ADGRE5: variants seen among roughly 807,000 people sequenced by gnomAD.
The protein encoded by ADGRE5 is CD97 molecule.
A neutral mutation model predicts 100.3 loss-of-function variants in ADGRE5; 72 were observed. That is an observed-to-expected ratio of 0.72 (90% CI 0.59 to 0.87). The LOEUF (loss-of-function observed/expected upper bound fraction) is 0.87, where lower values mean the gene tolerates loss of function less well. ADGRE5 is among the 40% of genes least tolerant of loss of function. The pLI is 0.00. For missense variants in ADGRE5, 959 were observed against 1,094.7 expected, an observed-to-expected ratio of 0.88 and a Z score of 1.75; for synonymous variants, 439 against 447.8, an observed-to-expected ratio of 0.98 and a Z score of 0.25.
At chr19:14,405,067 A>G in intron 13 of ADGRE5, 1 of 155,334 alleles carries the variant, frequency 6.4e-6, no homozygotes, top group Non-Finnish European at 1.4e-5. Flanking sequence ...CTAGTCTCAA[A>G]CTCCTGACCT....
intron 4 of ADGRE5, 23 bp from the exon 5 acceptor site, chr19:14,396,319 T>C: frequency 1.2e-6 from 2 of 1,614,236 alleles, no homozygotes; most frequent in Non-Finnish European, 1.7e-6. Flanking sequence ...CGGGCATCCT[T>C]CACCCTCTCC....
chr19:14,401,356 C>G lies in ADGRE5; in HGVS notation c.898-30C>G, dbSNP rs767046489. On this transcript the variant is annotated intron_variant, in intron 9 of 19. Coordinates refer to ENST00000242786, the MANE Select transcript of ADGRE5 (RefSeq NM_078481.4). This position sits in a 1 kb window ranked among gnomAD's most constrained non-coding sequence, Gnocchi z 4.1. ...CAGGCAACCCCTGTGGTCTGATGCT[C>G]CAGCGATTCTGTCACCCGCCACCCC... is the stretch of plus-strand genomic sequence containing the variant. 5.5e-5 allele frequency: 89 copies of G among 1,605,854 alleles called. No individual in the cohort carries two copies. The highest frequency in any genetic ancestry group is 6.8e-6 in the Non-Finnish European group (8 of 1,175,402).
rs990109828 is a variant in ADGRE5, at chr19:14,401,238, G to A, written c.898-148G>A. On this transcript the variant is annotated intron_variant, in intron 9 of 19. Coordinates refer to ENST00000242786, the MANE Select transcript of ADGRE5 (RefSeq NM_078481.4). The surrounding 1 kb of genome is among the most constrained non-coding windows in gnomAD (Gnocchi z 4.1). ...CATGCAGGCAAATACTCAATCCGTCGCTTGTTTTCTGGTTACTGCATCATC... is the reference window on the plus strand; with the variant it reads ...CATGCAGGCAAATACTCAATCCGTCACTTGTTTTCTGGTTACTGCATCATC... 126 of 660,698 alleles carry A rather than the reference G, an allele frequency of 1.9e-4. No homozygotes were observed. The highest frequency in any genetic ancestry group is 7.2e-4 in the East Asian group (26 of 36,032). The allele number at this position is 660,698 out of a possible 1,614,324, so 40.9% of individuals were successfully genotyped here.
Position 14,397,090 on chromosome 19 carries a change from C to G in ADGRE5, c.492C>G (p.Cys164Trp). 1 of 1,613,960 alleles carries G rather than the reference C, an allele frequency of 6.2e-7. No individual in the cohort carries two copies. The highest frequency in any genetic ancestry group is 2.2e-5 in the East Asian group (1 of 44,870). ...DPKVCTDVNECTSGQNPCHSS... is the reference protein window; with the variant it reads ...DPKVCTDVNEWTSGQNPCHSS... ...CTTTGTCCTCAGATGTGAATGAATG[C>G]ACCTCCGGACAAAACCCGTGCCACA... The change falls in exon 6 of 20, where the codon TGC (cysteine) becomes TGG (tryptophan). Residue 164 changes from cysteine (C) to tryptophan (W), a missense_variant. By Grantham distance (215) the Cys-to-Trp change is radical. Coordinates refer to ENST00000242786, the MANE Select transcript of ADGRE5 (RefSeq NM_078481.4).
intron 18 of ADGRE5, 82 bp from the exon 19 acceptor site, chr19:14,407,826 T>C: frequency 8.6e-7 from 1 of 1,166,610 alleles, no homozygotes; most frequent in Non-Finnish European, 1.3e-6. Context: ...ACCAAGAAGG[T>C]GGGGCTGAGG....
chr19:14,382,274 C>T (rs1975185406), intron 1 of ADGRE5, among the ~76,000 whole-genome samples: 1 of 152,150 alleles, frequency 6.6e-6, no homozygotes, highest in African/African-American at 2.4e-5. Flanking sequence ...TGGGCCAGCC[C>T]CAAGTGGCAG....
rs762128696 is a variant in ADGRE5, at chr19:14,391,128, T to TGAC, written c.346+49_346+50insGAC. 28 of 1,609,408 alleles carry TGAC rather than the reference T, an allele frequency of 1.7e-5. 1 individual carries two copies. Among genetic ancestry groups the TGAC allele is most frequent in the East Asian group, 8.9e-5 (4 of 44,784 alleles). ...GACTTTCCATCCATGAGGTTTGGGG[T>TGAC]CACCAGAGCCATTCTGGCAGCATCC... On this transcript the variant is annotated intron_variant, in intron 4 of 19. Coordinates refer to ENST00000242786, the MANE Select transcript of ADGRE5 (RefSeq NM_078481.4).
chr19:14,399,266 T>C (rs913660872), intron 9 of ADGRE5, among the ~76,000 whole-genome samples: 1 of 151,400 alleles, frequency 6.6e-6, no homozygotes, highest in Non-Finnish European at 1.5e-5. Flanking sequence ...ATAAGCCTTA[T>C]ATAAAAGCTT....
At chr19:14,396,862 C>T (rs1452407514) in intron 5 of ADGRE5, among the ~76,000 whole-genome samples, 2 of 152,168 alleles carry the variant, frequency 1.3e-5, no homozygotes, top group African/African-American at 4.8e-5. Flanking sequence ...GTTTCACCTC[C>T]TATAAACTGG....
intron 4 of ADGRE5, among the ~76,000 whole-genome samples, chr19:14,392,487 T>A (rs1367150171): frequency 6.6e-6 from 1 of 152,084 alleles, no homozygotes; most frequent in Non-Finnish European, 1.5e-5. Flanking sequence ...CTTTTAAAGA[T>A]AAAAACAAAA....
At chr19:14,384,983 CTTT>C (rs575538948) in intron 1 of ADGRE5, among the ~76,000 whole-genome samples, 1 of 82,470 alleles carries the variant, frequency 1.2e-5, no homozygotes, top group Non-Finnish European at 2.7e-5. Flanking sequence ...TCTTTTCTTT[CTTT>C]TTTTTTTTTT....
Position 14,381,497 on chromosome 19 carries a change from C to G in ADGRE5, c.-27C>G, listed in dbSNP as rs1975152273. The G allele has an allele frequency of 6.2e-7, 1 of 1,610,284 alleles. No homozygotes were observed. On this transcript the variant is annotated 5_prime_UTR_variant, in exon 1 of 20. Transcript: ENST00000242786. ...AGCCCTGTCCCACTCACTCTTTCCC[C>G]TGCCGCTCCTGCCGGCAGCTCCAAC...
chr19:14,406,724 C>A lies in ADGRE5; in HGVS notation c.2073C>A (p.Gly691=). Residue 691 remains glycine (G), a synonymous_variant, in exon 16 of 20, where the codon GGC becomes GGA. Transcript: ENST00000242786. The surrounding 1 kb of genome is among the most constrained non-coding windows in gnomAD (Gnocchi z 6.0). ...GCTGCTGGTTGGACTTTGAGCAGGG[C>A]TTCCTCTGGAGCTTCTTGGGACCTG... ...PRYCWLDFEQ[G]FLWSFLGPVT... 6 of 1,614,144 alleles carry A rather than the reference C, an allele frequency of 3.7e-6. No individual in the cohort carries two copies. The highest frequency in any genetic ancestry group is 3.4e-6 in the Non-Finnish European group (4 of 1,180,016).
At chr19:14,398,166 A>G (rs1401082579) in intron 9 of ADGRE5, 27 bp downstream of exon 9, 3 of 1,609,524 alleles carry the variant, frequency 1.9e-6, no homozygotes, top group Admixed American at 1.7e-5. Flanking sequence ...GGGGGACCCC[A>G]GGACAGTGTA....
intron 4 of ADGRE5, among the ~76,000 whole-genome samples, chr19:14,394,040 G>T (rs892159259): frequency 6.6e-6 from 1 of 152,188 alleles, no homozygotes; most frequent in African/African-American, 2.4e-5. Context: ...CTGGCTAGGG[G>T]TGCCGCCCAC....
intron 18 of ADGRE5, 72 bp downstream of exon 18, chr19:14,407,301 G>A: frequency 6.4e-7 from 1 of 1,555,304 alleles, no homozygotes; most frequent in Non-Finnish European, 8.8e-7. Flanking sequence ...TGGGAGGATT[G>A]CTTGAGCCCA....
At position 14,398,050 on chromosome 19, in the gene ADGRE5, C is replaced by T; in HGVS notation, c.820-12C>T. Reference sequence around the variant, plus strand: ...CCAGGCTCTCTGACCCCCACATCTCCTCTCTCTGCAGACGCTTTCCCGATT... The same window carrying T: ...CCAGGCTCTCTGACCCCCACATCTCTTCTCTCTGCAGACGCTTTCCCGATT... On this transcript the variant is annotated splice_polypyrimidine_tract_variant and intron_variant, in intron 8 of 19. Transcript: ENST00000242786. 2.5e-6 allele frequency: 4 copies of T among 1,613,560 alleles called. No homozygotes were observed. Among genetic ancestry groups the T allele is most frequent in the Non-Finnish European group, 3.4e-6 (4 of 1,179,854 alleles).
Position 14,405,920 on chromosome 19 carries a change from T to A in ADGRE5, c.1802T>A (p.Ile601Asn), listed in dbSNP as rs775414000. The change falls in exon 14 of 20, where the codon ATC becomes AAC. Residue 601 changes from isoleucine (I) to asparagine (N), a missense_variant. By Grantham distance (149) the Ile-to-Asn change is moderately radical. Transcript: ENST00000242786. ...FVGSTIFLAG[I>N]ENEGGQVGLR... The stretch of plus-strand genomic sequence containing the variant: ...GGCTCCACCATCTTCCTGGCCGGCA[T>A]CGAGAACGAAGGCGGCCAGGTGAGG... The A allele has an allele frequency of 1.9e-6, 3 of 1,609,096 alleles. No individual in the cohort carries two copies. Among genetic ancestry groups the A allele is most frequent in the Non-Finnish European group, 2.5e-6 (3 of 1,179,802 alleles).
chr19:14,403,860 C>T (rs1291920710), intron 12 of ADGRE5, among the ~76,000 whole-genome samples: 1 of 143,586 alleles, frequency 7.0e-6, no homozygotes, highest in Non-Finnish European at 1.5e-5. Context: ...ATCTGCCTCT[C>T]CCACTTTTTT....
Sources: gnomAD v4.1 joint callset for allele counts (sites outside exome capture counted in the v4.1 genomes callset) on GRCh38, gnomAD v4.1.1 for gene constraint, Gnocchi (gnomAD v3.1) non-coding constraint, MANE v1.5 for transcripts, NCBI Gene and HGNC (gene_info 2026-07-23, HGNC 2026-07-21) for gene names.